MDGA2: variants seen among roughly 807,000 people sequenced by gnomAD.
MDGA2 encodes MAM domain containing glycosylphosphatidylinositol anchor 2.
MDGA2 carries 40 observed loss-of-function variants against 117.8 expected under a neutral mutation model. The ratio of observed to expected loss-of-function variants is 0.34; its 90% CI spans 0.26 to 0.44. MDGA2 has a LOEUF of 0.44. MDGA2 is among the 20% of genes least tolerant of loss of function. The probability of loss-of-function intolerance (pLI) is 1.00; values close to 1 mark genes in which losing one functional copy is unlikely to be tolerated. For missense variants in MDGA2, 1,123 were observed against 1,250.6 expected (o/e 0.90, Z 1.54); for synonymous variants, 452 against 439.0 (o/e 1.03, Z -0.37).
intron 3 of MDGA2, among the ~76,000 whole-genome samples, chr14:47,186,366 A>G (rs920946244): frequency 6.6e-6 from 1 of 151,814 alleles, no homozygotes; most frequent in Non-Finnish European, 1.5e-5. Context: ...AAAATAAGAC[A>G]AACTTGAAAA....
Position 47,200,299 on chromosome 14 carries a change from A to G in MDGA2, c.595+17722T>C, listed in dbSNP as rs559125493. Among the ~76,000 whole-genome samples, 8 of 152,130 alleles carry G rather than the reference A, an allele frequency of 5.3e-5. 1 individual carries two copies. The highest frequency in any genetic ancestry group is 2.0e-4 in the Admixed American group (3 of 15,280). ...TTTTTTGCTGAAGTAAAATGTAATC[A>G]AATACAATAGAGCTAAAATAATTAG... On this transcript the variant is annotated intron_variant, in intron 3 of 16. Coordinates refer to ENST00000399232, the MANE Select transcript of MDGA2 (RefSeq NM_001113498.3).
intron 1 of MDGA2, among the ~76,000 whole-genome samples, chr14:47,511,757 CT>C (rs1411637201): frequency 6.6e-6 from 1 of 152,072 alleles, no homozygotes. Context: ...GACAAAAACA[CT>C]TTTAAACTAG....
intron 8 of MDGA2, among the ~76,000 whole-genome samples, chr14:47,033,931 TTAAGTC>T (rs1326938631): frequency 3.3e-5 from 5 of 152,154 alleles, no homozygotes; most frequent in Non-Finnish European, 5.9e-5. Context: ...GCCAACAACT[TTAAGTC>T]TAATATAAAA....
intron 8 of MDGA2, among the ~76,000 whole-genome samples, chr14:46,967,839 A>G (rs1185695387): frequency 1.3e-5 from 2 of 152,174 alleles, no homozygotes; most frequent in Non-Finnish European, 2.9e-5. Context: ...GCAATAACTA[A>G]TAATAAAAGA....
At chr14:47,491,038 A>G (rs542919652) in intron 1 of MDGA2, among the ~76,000 whole-genome samples, 1 of 152,288 alleles carries the variant, frequency 6.6e-6, no homozygotes, top group African/African-American at 2.4e-5. Flanking sequence ...GTGGGTAGAC[A>G]AACAGATAGA....
At chr14:46,974,269 G>C (rs1886372823) in intron 8 of MDGA2, among the ~76,000 whole-genome samples, 1 of 152,058 alleles carries the variant, frequency 6.6e-6, no homozygotes, top group African/African-American at 2.4e-5. Flanking sequence ...TTAATTGGAA[G>C]ACCTAATATT....
intron 1 of MDGA2, among the ~76,000 whole-genome samples, chr14:47,517,298 C>T (rs765411898): frequency 1.1e-4 from 16 of 151,870 alleles, no homozygotes; most frequent in Non-Finnish European, 2.1e-4. Flanking sequence ...CCCAGAGCTC[C>T]GAAGGAAAAT....
In MDGA2 at chr14:47,090,780, A is replaced by G. The variant is rs543054294; in HGVS notation, c.1195+6074T>C. Reference sequence around the variant, plus strand: ...GTCTGGCTACCTTGAAGCTGCCATGAGAAGAAATCATGTAAAGAGACAAGA... The same window carrying G: ...GTCTGGCTACCTTGAAGCTGCCATGGGAAGAAATCATGTAAAGAGACAAGA... On this transcript the variant is annotated intron_variant, in intron 6 of 16. Transcript: ENST00000399232. Among the ~76,000 whole-genome samples, 142 of 152,288 alleles carry G rather than the reference A, an allele frequency of 9.3e-4. 1 individual carries two copies. Among genetic ancestry groups the G allele is most frequent in the Middle Eastern group, 3.4e-3 (1 of 294 alleles).
At chr14:46,894,830 T>C (rs1883015353) in intron 10 of MDGA2, among the ~76,000 whole-genome samples, 1 of 152,182 alleles carries the variant, frequency 6.6e-6, no homozygotes, top group African/African-American at 2.4e-5. Context: ...TAGCAGCTTC[T>C]GATAAATTAC....
intron 2 of MDGA2, among the ~76,000 whole-genome samples, chr14:47,262,124 T>C (rs1355455238): frequency 6.6e-6 from 1 of 152,096 alleles, no homozygotes; most frequent in Non-Finnish European, 1.5e-5. Flanking sequence ...ATCAGAGAGC[T>C]GACACTCAGA....
intron 6 of MDGA2, among the ~76,000 whole-genome samples, chr14:47,067,603 TCCAA>T (rs1421923968): frequency 6.6e-6 from 1 of 152,142 alleles, no homozygotes; most frequent in Non-Finnish European, 1.5e-5. Flanking sequence ...CCTCTTTCTT[TCCAA>T]CCAACAATTT....
At chr14:47,287,934 C>T (rs1351938312) in intron 2 of MDGA2, among the ~76,000 whole-genome samples, 1 of 152,108 alleles carries the variant, frequency 6.6e-6, no homozygotes, top group African/African-American at 2.4e-5. Flanking sequence ...AGCCATGGGA[C>T]ACCTAGGATT....
chr14:47,256,747 G>T (rs887811104), intron 2 of MDGA2, among the ~76,000 whole-genome samples: 2 of 151,492 alleles, frequency 1.3e-5, no homozygotes, highest in Non-Finnish European at 2.9e-5. Context: ...TTTATTAAAT[G>T]TAACAAATCA....
chr14:47,074,580 G>A (rs113535063), intron 6 of MDGA2, among the ~76,000 whole-genome samples: 156 of 152,306 alleles, frequency 1.0e-3, no homozygotes, highest in African/African-American at 3.5e-3. Flanking sequence ...GATTACAGGC[G>A]TGAGCCACCG....
rs981069226 is a variant in MDGA2, at chr14:47,201,132, T to C, written c.595+16889A>G. 5 of 748,112 alleles carry C rather than the reference T, an allele frequency of 6.7e-6. No individual in the cohort carries two copies. The African/African-American group carries it at 6.9e-5, about 10-fold the overall frequency. The allele number at this position is 748,112 out of a possible 1,614,324, so 46.3% of individuals were successfully genotyped here. On this transcript the variant is annotated intron_variant, in intron 3 of 16. Coordinates refer to ENST00000399232, the MANE Select transcript of MDGA2 (RefSeq NM_001113498.3). ...TCGGCAGCAGCTTGGGAAAGCCCTT[T>C]TTCTATTTTTATTGCATTAGCTGCT...
rs79554401 is a variant in MDGA2 at position 46,971,425 on chromosome 14, G to C, written c.1820-13782C>G. 3.4e-3 allele frequency among the ~76,000 whole-genome samples: 516 copies of C among 152,106 alleles called. 3 individuals are homozygous for C. The highest frequency in any genetic ancestry group is 0.012 in the African/African-American group (499 of 41,522). ...ATGCAGTAGCATGGATGAAACTGGAGGACATTATCTTAAGTGAGATAAGAC... is the reference window on the plus strand; with the variant it reads ...ATGCAGTAGCATGGATGAAACTGGACGACATTATCTTAAGTGAGATAAGAC... On this transcript the variant is annotated intron_variant, in intron 8 of 16. Coordinates refer to ENST00000399232, the MANE Select transcript of MDGA2 (RefSeq NM_001113498.3).
At chr14:46,854,100 T>A (rs1338028382) in intron 15 of MDGA2, among the ~76,000 whole-genome samples, 4 of 151,702 alleles carry the variant, frequency 2.6e-5, no homozygotes, top group African/African-American at 9.7e-5. Context: ...GCAATTAGAA[T>A]TTATAGATTA....
At chr14:47,580,440 G>C (rs1594927964) in intron 1 of MDGA2, among the ~76,000 whole-genome samples, 1 of 152,056 alleles carries the variant, frequency 6.6e-6, no homozygotes, top group East Asian at 1.9e-4. Context: ...TTTGGTAGTA[G>C]GTTTCAACAT....
chr14:47,409,121 AG>A (rs1394479349), intron 1 of MDGA2, among the ~76,000 whole-genome samples: 5 of 152,166 alleles, frequency 3.3e-5, no homozygotes, highest in Non-Finnish European at 5.9e-5. Context: ...TTTTACTATG[AG>A]TGAAATGGGA....
Sources: gnomAD v4.1 joint callset for allele counts (sites outside exome capture counted in the v4.1 genomes callset) on GRCh38, gnomAD v4.1.1 for gene constraint, MANE v1.5 for transcripts, NCBI Gene and HGNC (gene_info 2026-07-23, HGNC 2026-07-21) for gene names.